Variants in PIBF1 observed in about 807,000 individuals in gnomAD.
PIBF1 encodes the protein progesterone-induced-blocking factor 1.
A neutral mutation model predicts 112.5 loss-of-function variants in PIBF1; 90 were observed. That is an observed-to-expected ratio of 0.80 (90% CI 0.67 to 0.95). PIBF1 has a LOEUF of 0.95. PIBF1 is among the 40% of genes least tolerant of loss of function. PIBF1 has a pLI of 0.00. For missense variants in PIBF1, 915 were observed against 852.3 expected, an observed-to-expected ratio of 1.07 and a Z score of -0.92; for synonymous variants, 301 against 288.6, an observed-to-expected ratio of 1.04 and a Z score of -0.44.
intron 16 of PIBF1, among the ~76,000 whole-genome samples, chr13:72,991,787 C>T (rs549120161): frequency 2.4e-4 from 36 of 151,644 alleles, no homozygotes; most frequent in East Asian, 7.8e-4. Context: ...GGCACGATCT[C>T]GGCTCACTGC....
chr13:72,857,710 C>T (rs150469411), intron 10 of PIBF1, among the ~76,000 whole-genome samples: 14 of 152,112 alleles, frequency 9.2e-5, no homozygotes, highest in African/African-American at 3.4e-4. Flanking sequence ...CATAGTGGCA[C>T]GTGCCTGTAA....
At chr13:72,897,593 C>A (rs1566420376) in intron 11 of PIBF1, among the ~76,000 whole-genome samples, 1 of 152,104 alleles carries the variant, frequency 6.6e-6, no homozygotes, top group South Asian at 2.1e-4. Context: ...CACATAAGGA[C>A]TCACATAAAC....
intron 10 of PIBF1, among the ~76,000 whole-genome samples, chr13:72,875,510 A>C (rs1296600940): frequency 6.6e-6 from 1 of 152,092 alleles, no homozygotes; most frequent in Non-Finnish European, 1.5e-5. Context: ...AGAAGAAACC[A>C]CCAAACTGTT....
chr13:72,822,012 T>G, intron 6 of PIBF1, 30 bp downstream of exon 6: 2 of 1,570,922 alleles, frequency 1.3e-6, no homozygotes. Flanking sequence ...GCAGTAGTAG[T>G]TCTCTATTTT....
chr13:72,867,167 G>T (rs1034279415), intron 10 of PIBF1, among the ~76,000 whole-genome samples: 9 of 152,118 alleles, frequency 5.9e-5, no homozygotes, highest in Non-Finnish European at 1.3e-4. Context: ...TCTTGTGATA[G>T]TAAATAAGTC....
intron 2 of PIBF1, among the ~76,000 whole-genome samples, chr13:72,786,509 G>A (rs1024041813): frequency 2.6e-5 from 4 of 152,062 alleles, no homozygotes; most frequent in Non-Finnish European, 5.9e-5. Context: ...CACTGTTTTT[G>A]AAGTTATCTA....
chr13:72,801,203 G>T (rs1478545047), intron 5 of PIBF1, among the ~76,000 whole-genome samples: 2 of 152,154 alleles, frequency 1.3e-5, no homozygotes, highest in African/African-American at 4.8e-5. Context: ...CAGGATTTTG[G>T]AAAGAGGTCT....
chr13:72,837,375 C>T (rs913662173), intron 9 of PIBF1, among the ~76,000 whole-genome samples: 17 of 152,040 alleles, frequency 1.1e-4, no homozygotes, highest in Non-Finnish European at 8.8e-5. Flanking sequence ...AGCTAGCCTT[C>T]ATATGTTGAA....
chr13:73,007,829 T>C (rs1395341166), intron 17 of PIBF1, among the ~76,000 whole-genome samples: 2 of 147,654 alleles, frequency 1.4e-5, no homozygotes, highest in African/African-American at 5.0e-5. Context: ...AAAAAAAATG[T>C]CAAAACCATT....
chr13:72,913,635 G>C (rs939212052), intron 12 of PIBF1, among the ~76,000 whole-genome samples: 1 of 151,922 alleles, frequency 6.6e-6, no homozygotes, highest in Admixed American at 6.6e-5. Flanking sequence ...AATGAACCAG[G>C]CATGGTGGTG....
At chr13:72,971,292 A>T (rs962083845) in intron 15 of PIBF1, among the ~76,000 whole-genome samples, 2 of 152,124 alleles carry the variant, frequency 1.3e-5, no homozygotes, top group Non-Finnish European at 2.9e-5. Flanking sequence ...GAACATAGAC[A>T]CATACATGTT....
intron 16 of PIBF1, among the ~76,000 whole-genome samples, chr13:72,989,529 G>A (rs1266684329): frequency 6.6e-6 from 1 of 152,176 alleles, no homozygotes; most frequent in Non-Finnish European, 1.5e-5. Context: ...CTAGAACTGG[G>A]AATTCTACAA....
intron 5 of PIBF1, among the ~76,000 whole-genome samples, chr13:72,800,293 C>T (rs1316496592): frequency 6.6e-6 from 1 of 152,236 alleles, no homozygotes; most frequent in Non-Finnish European, 1.5e-5. Context: ...GCCTTGGCCT[C>T]CCAAAGTGCT....
chr13:72,853,254 T>C (rs936383108), intron 9 of PIBF1, among the ~76,000 whole-genome samples: 13 of 152,180 alleles, frequency 8.5e-5, no homozygotes, highest in African/African-American at 3.1e-4. Flanking sequence ...TTCTATCAAT[T>C]TCAGTTCCTT....
chr13:72,908,994 C>G (rs1166890473), intron 12 of PIBF1, among the ~76,000 whole-genome samples: 1 of 151,832 alleles, frequency 6.6e-6, no homozygotes, highest in Non-Finnish European at 1.5e-5. Flanking sequence ...TCGCGTTGAG[C>G]CGAAATCATG....
rs56919637 is a variant in PIBF1 at position 72,873,773 on chromosome 13, T to TAA, written c.1322+19628_1322+19629dup. Among the ~76,000 whole-genome samples, 553 of 149,044 alleles carry TAA rather than the reference T, an allele frequency of 3.7e-3. 1 individual carries two copies. The highest frequency in any genetic ancestry group is 5.4e-3 in the Admixed American group (81 of 15,030). On this transcript the variant is annotated intron_variant, in intron 10 of 17. Transcript: ENST00000326291. ...TCGTTAAATTGGACTTTACTCAAAA[T>TAA]AAAAAAAAAAATTGCTCTTCTGTTA...
At chr13:72,965,481 G>A (rs1594283905) in intron 15 of PIBF1, 77 bp downstream of exon 15, 4 of 1,187,390 alleles carry the variant, frequency 3.4e-6, no homozygotes, top group Non-Finnish European at 4.7e-6. Context: ...AATTTGGGTT[G>A]TAAATCATGA....
chr13:73,012,014 C>G (rs781390497), intron 17 of PIBF1, among the ~76,000 whole-genome samples: 16 of 152,112 alleles, frequency 1.1e-4, no homozygotes, highest in Non-Finnish European at 2.2e-4. Flanking sequence ...AAGAACCCCC[C>G]CAAAAAGGAG....
At chr13:73,007,697 T>G (rs561473436) in intron 17 of PIBF1, among the ~76,000 whole-genome samples, 4 of 151,646 alleles carry the variant, frequency 2.6e-5, no homozygotes, top group African/African-American at 9.7e-5. Flanking sequence ...TAATCCTAGC[T>G]ACTCGGGAGG....
Sources: allele counts gnomAD v4.1 joint callset (sites outside exome capture counted in the v4.1 genomes callset), GRCh38; gene constraint gnomAD v4.1.1; transcripts MANE v1.5; gene names NCBI Gene and HGNC (gene_info 2026-07-23, HGNC 2026-07-21).